Variants in LRTM1 observed in about 807,000 individuals in gnomAD.
LRTM1 encodes the protein leucine rich repeat transmembrane protein 1.
LRTM1 carries 38 observed loss-of-function variants against 32.4 expected under a neutral mutation model. The observed-to-expected ratio is 1.17, with a 90% CI of 0.91 to 1.54. LRTM1 has a LOEUF of 1.54. Among genes scored for constraint, LRTM1 ranks in the 40% most tolerant of loss-of-function variants. The probability of loss-of-function intolerance (pLI) is 0.00; values close to 1 mark genes in which losing one functional copy is unlikely to be tolerated. For synonymous variants in LRTM1, 186 were observed against 169.9 expected (o/e 1.09, Z -0.74); for missense variants, 466 against 415.4 (o/e 1.12, Z -1.06).
chr3:54,962,118 G>A (rs886610554), intron 1 of LRTM1, among the ~76,000 whole-genome samples: 1 of 152,048 alleles, frequency 6.6e-6, no homozygotes, highest in African/African-American at 2.4e-5. Context: ...GAGTCCTCGG[G>A]ACCCAATCAC....
rs1701771337 is a variant in LRTM1 at position 54,952,078 on chromosome 3, C to G, written c.-222+14850G>C. On this transcript the variant is annotated intron_variant, in intron 1 of 2. Transcript: ENST00000493075. ...TGGCCAGCTGCTCACAAACTCGTGG[C>G]CTCAAGATCTGCCCGCCTCAGCCTC... is the stretch of plus-strand genomic sequence containing the variant. 3.3e-5 allele frequency among the ~76,000 whole-genome samples: 5 copies of G among 152,100 alleles called. No homozygotes were observed. In the South Asian group the frequency reaches 1.0e-3, roughly 32 times the overall value.
chr3:54,959,980 C>A (rs1400424748), intron 1 of LRTM1, among the ~76,000 whole-genome samples: 1 of 151,768 alleles, frequency 6.6e-6, no homozygotes, highest in Admixed American at 6.6e-5. Context: ...CAACATCAAT[C>A]CAGTCAAGTA....
intron 1 of LRTM1, among the ~76,000 whole-genome samples, chr3:54,950,573 G>T (rs1701733253): frequency 6.6e-6 from 1 of 152,204 alleles, no homozygotes. Flanking sequence ...GCAATTCAAA[G>T]AATGCTGCTT....
intron 1 of LRTM1, among the ~76,000 whole-genome samples, chr3:54,948,060 C>A (rs764248815): frequency 5.9e-5 from 9 of 152,170 alleles, no homozygotes; most frequent in Non-Finnish European, 1.2e-4. Context: ...AGACCTTCTA[C>A]GGAGGAGATG....
intron 1 of LRTM1, among the ~76,000 whole-genome samples, chr3:54,951,622 T>A (rs1453038482): frequency 1.3e-5 from 2 of 152,036 alleles, no homozygotes; most frequent in Non-Finnish European, 2.9e-5. Context: ...GGCGGCTGGC[T>A]CTGAGTCAGG....
At chr3:54,952,602 G>T (rs1383810120) in intron 1 of LRTM1, among the ~76,000 whole-genome samples, 1 of 152,184 alleles carries the variant, frequency 6.6e-6, no homozygotes, top group Admixed American at 6.5e-5. Flanking sequence ...GTAATTTTAG[G>T]TGAGTCCCTT....
At chr3:54,923,816 G>GT (rs1469275707) in intron 2 of LRTM1, among the ~76,000 whole-genome samples, 2 of 152,222 alleles carry the variant, frequency 1.3e-5, no homozygotes, top group Non-Finnish European at 2.9e-5. Flanking sequence ...CTGGGACTCT[G>GT]TTGCCCATTG....
At chr3:54,921,027 C>G (rs1700833063) in intron 2 of LRTM1, among the ~76,000 whole-genome samples, 1 of 152,166 alleles carries the variant, frequency 6.6e-6, no homozygotes, top group Admixed American at 6.5e-5. Flanking sequence ...AGCCGGGATG[C>G]AACTCCCACT....
At chr3:54,961,140 G>T (rs778602703) in intron 1 of LRTM1, among the ~76,000 whole-genome samples, 4 of 152,246 alleles carry the variant, frequency 2.6e-5, no homozygotes, top group Non-Finnish European at 5.9e-5. Context: ...ACTAAGGCAA[G>T]TTGGAATCCA....
At chr3:54,925,750 C>T (rs1299558042) in intron 1 of LRTM1, among the ~76,000 whole-genome samples, 3 of 152,116 alleles carry the variant, frequency 2.0e-5, no homozygotes, top group Non-Finnish European at 4.4e-5. Flanking sequence ...ACTACTGCAA[C>T]CAAGGAACTG....
chr3:54,967,030 G>A (rs1237931622), exon 1 of LRTM1: 1 of 152,272 alleles, frequency 6.6e-6, no homozygotes, highest in East Asian at 1.9e-4. Context: ...AGAGAACGAA[G>A]GACACTTAAG....
chr3:54,956,924 CAG>C (rs1424438550), intron 1 of LRTM1, among the ~76,000 whole-genome samples: 16 of 152,028 alleles, frequency 1.1e-4, no homozygotes, highest in Admixed American at 5.9e-4. Flanking sequence ...AGGTTGAAAA[CAG>C]GGGTGAAGGT....
At chr3:54,958,227 G>A (rs1000235094) in intron 1 of LRTM1, among the ~76,000 whole-genome samples, 1 of 152,208 alleles carries the variant, frequency 6.6e-6, no homozygotes, top group Non-Finnish European at 1.5e-5. Flanking sequence ...AAGAAAACCA[G>A]CAGAATATTC....
chr3:54,924,497 G>T (rs1559631444), intron 2 of LRTM1, 122 bp downstream of exon 2: 3 of 771,568 alleles, frequency 3.9e-6, no homozygotes, highest in Non-Finnish European at 6.3e-6. Context: ...TGGCACCGAT[G>T]TGTAAAAGCC....
At position 54,918,773 on chromosome 3, in the gene LRTM1, A is replaced by G; in HGVS notation, c.724T>C (p.Ser242Pro). 1 of 1,614,140 alleles carries G rather than the reference A, an allele frequency of 6.2e-7. No individual in the cohort carries two copies. Among genetic ancestry groups the G allele is most frequent in the South Asian group, 1.1e-5 (1 of 91,074 alleles). The change falls in exon 3 of 3, where the codon TCG becomes CCG. Residue 242 changes from serine to proline, a missense_variant. Coordinates refer to ENST00000273286, the MANE Select transcript of LRTM1 (RefSeq NM_020678.4). ...CPLPAPDPVSSQAQWPGSAHG... is the reference protein window; with the variant it reads ...CPLPAPDPVSPQAQWPGSAHG... The stretch of plus-strand genomic sequence containing the variant: ...GCAGAGCCGGGCCACTGAGCCTGCG[A>G]GGACACTGGATCAGGAGCAGGAAGA...
At chr3:54,942,895 G>A (rs1193760619) in intron 1 of LRTM1, among the ~76,000 whole-genome samples, 1 of 152,038 alleles carries the variant, frequency 6.6e-6, no homozygotes, top group African/African-American at 2.4e-5. Flanking sequence ...GCGGTGGCAC[G>A]TGCCTGTAGT....
At chr3:54,946,766 T>C (rs151281593) in intron 1 of LRTM1, among the ~76,000 whole-genome samples, 2,362 of 150,668 alleles carry the variant, frequency 0.016, 36 homozygotes, top group Non-Finnish European at 0.024. Context: ...CCCGAAATCA[T>C]GGAAGAAATG....
At chr3:54,964,884 C>T (rs759210914) in intron 1 of LRTM1, among the ~76,000 whole-genome samples, 3 of 151,662 alleles carry the variant, frequency 2.0e-5, no homozygotes, top group Non-Finnish European at 2.9e-5. Context: ...ATAATGAGCT[C>T]AATCCCGTTA....
intron 1 of LRTM1, among the ~76,000 whole-genome samples, chr3:54,951,095 G>C (rs537112708): frequency 6.6e-6 from 1 of 152,138 alleles, no homozygotes; most frequent in Non-Finnish European, 1.5e-5. Flanking sequence ...TCTACAGAAC[G>C]CTCCAACTAT....
Sources: gnomAD v4.1 joint callset for allele counts (sites outside exome capture counted in the v4.1 genomes callset) on GRCh38, gnomAD v4.1.1 for gene constraint, MANE v1.5 for transcripts, NCBI Gene and HGNC (gene_info 2026-07-23, HGNC 2026-07-21) for gene names.